Variants in CCDC178 observed in about 807,000 individuals in gnomAD.
CCDC178 encodes coiled-coil domain containing 178, also known as coiled-coil domain-containing protein 178.
A neutral mutation model predicts 117.4 loss-of-function variants in CCDC178; 126 were observed. The observed-to-expected ratio is 1.07, with a 90% confidence interval of 0.93 to 1.24. CCDC178 has a LOEUF of 1.24. Ranked by LOEUF, CCDC178 falls within the 50% of genes most tolerant of loss-of-function variation. The pLI, the probability that CCDC178 is intolerant of heterozygous loss-of-function variation, is 0.00. For synonymous variants in CCDC178, 283 were observed against 313.4 expected, an observed-to-expected ratio of 0.90 and a Z score of 1.02; for missense variants, 1,030 against 986.9, an observed-to-expected ratio of 1.04 and a Z score of -0.59.
chr18:33,177,695 G>T (rs1416403994), intron 20 of CCDC178, among the ~76,000 whole-genome samples: 1 of 151,988 alleles, frequency 6.6e-6, no homozygotes, highest in African/African-American at 2.4e-5. Context: ...TAATGAATTT[G>T]TCTACCTTTC....
chr18:33,395,174 G>C (rs2063619065), intron 4 of CCDC178, among the ~76,000 whole-genome samples: 1 of 151,008 alleles, frequency 6.6e-6, no homozygotes, highest in Non-Finnish European at 1.5e-5. Flanking sequence ...AGACAACCTA[G>C]TCTCACGTTC....
chr18:33,364,539 A>T (rs1287312584), intron 6 of CCDC178, among the ~76,000 whole-genome samples: 2 of 152,024 alleles, frequency 1.3e-5, no homozygotes. Flanking sequence ...GAGCTAAGAA[A>T]AAAAGGAGAT....
chr18:33,107,929 T>C (rs2057729535), intron 20 of CCDC178, among the ~76,000 whole-genome samples: 1 of 151,716 alleles, frequency 6.6e-6, no homozygotes, highest in African/African-American at 2.4e-5. Flanking sequence ...TTTTTGTACC[T>C]CTGCATTTGT....
chr18:33,239,203 A>G (rs1303640371), intron 15 of CCDC178, among the ~76,000 whole-genome samples: 5 of 152,046 alleles, frequency 3.3e-5, no homozygotes, highest in Admixed American at 3.3e-4. Flanking sequence ...GAGCCAATAT[A>G]CACAGTAGAA....
intron 9 of CCDC178, among the ~76,000 whole-genome samples, chr18:33,339,585 C>T (rs1345790185): frequency 6.6e-6 from 1 of 151,714 alleles, no homozygotes; most frequent in Non-Finnish European, 1.5e-5. Context: ...GGCTGTGTCC[C>T]CACCCAAATC....
At chr18:33,286,590 A>T (rs1210098168) in intron 12 of CCDC178, among the ~76,000 whole-genome samples, 1 of 152,176 alleles carries the variant, frequency 6.6e-6, no homozygotes, top group East Asian at 1.9e-4. Context: ...GTTTAGATTC[A>T]TACTGTATAA....
At chr18:32,993,996 T>C (rs1294013832) in intron 21 of CCDC178, among the ~76,000 whole-genome samples, 1 of 151,956 alleles carries the variant, frequency 6.6e-6, no homozygotes, top group Non-Finnish European at 1.5e-5. Context: ...ATTACTACTA[T>C]ATAGAGAAGC....
rs143340075 is a variant in CCDC178 at position 33,350,837 on chromosome 18, G to C, written c.372-1862C>G. Among the ~76,000 whole-genome samples the C allele has an allele frequency of 2.6e-5, 4 of 151,674 alleles. No individual in the cohort carries two copies. In the East Asian group the frequency reaches 7.8e-4, roughly 29 times the overall value. ...GTAATTCTAGGTTTCACTTTTTGAG[G>C]AGCCGACAAACTGTTTCTCGGTATC... On this transcript the variant is annotated intron_variant, in intron 7 of 22. Coordinates refer to ENST00000383096, the MANE Select transcript of CCDC178 (RefSeq NM_001105528.4).
intron 11 of CCDC178, among the ~76,000 whole-genome samples, chr18:33,317,842 T>A (rs2062441550): frequency 6.6e-6 from 1 of 152,146 alleles, no homozygotes; most frequent in African/African-American, 2.4e-5. Context: ...AAAAAAAGTT[T>A]CCTTTGTAAC....
intron 5 of CCDC178, among the ~76,000 whole-genome samples, chr18:33,384,418 C>T (rs1172620802): frequency 6.6e-6 from 1 of 152,112 alleles, no homozygotes; most frequent in Non-Finnish European, 1.5e-5. Flanking sequence ...TCATCAGATT[C>T]TCCAAGGTCA....
chr18:33,379,082 TTTTA>T (rs1805213170), intron 5 of CCDC178, among the ~76,000 whole-genome samples: 1 of 143,154 alleles, frequency 7.0e-6, no homozygotes, highest in Non-Finnish European at 1.5e-5. Flanking sequence ...GATTTTTTCT[TTTTA>T]TTTCTTTGCC....
chr18:33,202,627 T>C (rs2059005024), intron 20 of CCDC178, among the ~76,000 whole-genome samples: 1 of 152,144 alleles, frequency 6.6e-6, no homozygotes, highest in African/African-American at 2.4e-5. Context: ...CAGTGCCTCA[T>C]CACTTCTCTG....
At chr18:32,990,861 C>T (rs1214152425) in intron 21 of CCDC178, among the ~76,000 whole-genome samples, 1 of 151,400 alleles carries the variant, frequency 6.6e-6, no homozygotes, top group Non-Finnish European at 1.5e-5. Flanking sequence ...AGTCATAAAG[C>T]CCAATAGCAA....
intron 12 of CCDC178, among the ~76,000 whole-genome samples, chr18:33,274,305 G>T (rs9950596): frequency 6.6e-6 from 1 of 151,758 alleles, no homozygotes; most frequent in African/African-American, 2.4e-5. Flanking sequence ...AAATCACTAT[G>T]GTAATGTAAA....
intron 20 of CCDC178, among the ~76,000 whole-genome samples, chr18:33,149,648 T>A (rs1476054268): frequency 3.3e-5 from 5 of 152,044 alleles, no homozygotes; most frequent in Non-Finnish European, 5.9e-5. Context: ...TATAATGAGG[T>A]CTCCATCTCC....
intron 11 of CCDC178, among the ~76,000 whole-genome samples, chr18:33,298,180 A>C (rs957592570): frequency 1.3e-5 from 2 of 152,238 alleles, no homozygotes; most frequent in Non-Finnish European, 2.9e-5. Context: ...CAAGAAAAAA[A>C]CACTATAAGC....
intron 2 of CCDC178, among the ~76,000 whole-genome samples, chr18:33,436,530 G>A (rs1363700321): frequency 2.0e-5 from 3 of 152,134 alleles, no homozygotes; most frequent in Non-Finnish European, 4.4e-5. Flanking sequence ...CATCTAATAG[G>A]TTCATCTTAG....
chr18:33,138,135 G>T (rs1476049174), intron 20 of CCDC178, among the ~76,000 whole-genome samples: 1 of 152,122 alleles, frequency 6.6e-6, no homozygotes, highest in African/African-American at 2.4e-5. Context: ...AAACATTATT[G>T]GTAAATGTGA....
intron 2 of CCDC178, among the ~76,000 whole-genome samples, 176 bp from the exon 3 acceptor site, chr18:33,412,286 T>C (rs796282398): frequency 6.6e-6 from 1 of 152,076 alleles, no homozygotes; most frequent in Non-Finnish European, 1.5e-5. Flanking sequence ...TTCAGAAATA[T>C]CAAATATAAA....
Sources: allele counts gnomAD v4.1 joint callset (sites outside exome capture counted in the v4.1 genomes callset), GRCh38; gene constraint gnomAD v4.1.1; transcripts MANE v1.5; gene names NCBI Gene and HGNC (gene_info 2026-07-23, HGNC 2026-07-21).